Variants in PLCL2 observed in about 807,000 individuals in gnomAD.
PLCL2 encodes inactive phospholipase C-like protein 2.
PLCL2 carries 4 observed loss-of-function variants against 79.6 expected under a neutral mutation model. The observed-to-expected ratio is 0.05, with a 90% CI of 0.02 to 0.11. The LOEUF (loss-of-function observed/expected upper bound fraction) is 0.11. PLCL2 is among the 10% of genes least tolerant of loss of function. PLCL2 has a pLI of 1.00. For missense variants in PLCL2, 895 were observed against 1,291.0 expected, an observed-to-expected ratio of 0.69 and a Z score of 4.70; for synonymous variants, 484 against 457.7, an observed-to-expected ratio of 1.06 and a Z score of -0.73.
At chr3:16,928,749 C>T (rs1697316959) in intron 1 of PLCL2, among the ~76,000 whole-genome samples, 1 of 152,178 alleles carries the variant, frequency 6.6e-6, no homozygotes, top group Admixed American at 6.6e-5. Flanking sequence ...TGTTGTGAAG[C>T]CTAGCTAAAG....
In PLCL2 at chr3:16,957,198, G is replaced by T. The variant is rs899054721; in HGVS notation, c.328-52476G>T. 5.3e-5 allele frequency among the ~76,000 whole-genome samples: 8 copies of T among 151,988 alleles called. No individual in the cohort carries two copies. In the South Asian group the frequency reaches 1.7e-3, roughly 32 times the overall value. On this transcript the variant is annotated intron_variant, in intron 1 of 5. Transcript: ENST00000615277. ...TAAATTTCCCTCTACACACTGCTTT[G>T]AATGTGTCCCAGAGATTCTGGTATG...
intron 1 of PLCL2, among the ~76,000 whole-genome samples, chr3:16,992,757 G>A (rs939706235): frequency 2.0e-5 from 3 of 152,346 alleles, no homozygotes; most frequent in African/African-American, 7.2e-5. Flanking sequence ...GCAGGCTAAG[G>A]ATTGGATTAA....
In PLCL2 at chr3:17,009,906, A is replaced by G. The variant is rs768818518; in HGVS notation, c.560A>G (p.Asp187Gly). 10 of 1,613,258 alleles carry G rather than the reference A, an allele frequency of 6.2e-6. No homozygotes were observed. The highest frequency in any genetic ancestry group is 8.5e-6 in the Non-Finnish European group (10 of 1,179,202). ...SKKDSEKAKI[D>G]IKSIKEVRTG... is the part of the protein sequence containing the mutation. ...AAGGATTCTGAGAAAGCCAAGATTGACATTAAATCCATCAAGGAAGTGAGA... is the reference window on the plus strand; with the variant it reads ...AAGGATTCTGAGAAAGCCAAGATTGGCATTAAATCCATCAAGGAAGTGAGA... Residue 187 changes from aspartate (D) to glycine (G), a missense_variant, in exon 2 of 6, where the codon GAC becomes GGC. Coordinates refer to ENST00000615277, the MANE Select transcript of PLCL2 (RefSeq NM_001144382.2). This position sits in a 1 kb window ranked among gnomAD's most constrained non-coding sequence, Gnocchi z 4.0.
rs745358993 is a variant in PLCL2 at position 17,010,155 on chromosome 3, C to G, written c.809C>G (p.Ser270Cys). The change falls in exon 2 of 6, where the codon TCT becomes TGT. Residue 270 changes from serine (S) to cysteine (C), a missense_variant. By Grantham distance (112) the Ser-to-Cys change is moderately radical. Transcript: ENST00000615277. The surrounding 1 kb of genome is among the most constrained non-coding windows in gnomAD (Gnocchi z 5.8). Reference sequence around the variant, plus strand: ...AGTAGCCAAGATAACATGAGGACTTCTTGGGTTTCACAAATGTTTAGTGAA... The same window carrying G: ...AGTAGCCAAGATAACATGAGGACTTGTTGGGTTTCACAAATGTTTAGTGAA... ...LESSQDNMRT[S>C]WVSQMFSEID... 3.1e-6 allele frequency: 5 copies of G among 1,613,984 alleles called. No individual in the cohort carries two copies. In the East Asian group the frequency reaches 8.9e-5, roughly 29 times the overall value.
At chr3:17,056,165 CT>C (rs1175214517) in intron 4 of PLCL2, among the ~76,000 whole-genome samples, 1 of 152,140 alleles carries the variant, frequency 6.6e-6, no homozygotes. Context: ...AACTCTCAGG[CT>C]GTTTTTAACT....
At chr3:17,039,381 T>C (rs2064694488) in intron 3 of PLCL2, among the ~76,000 whole-genome samples, 1 of 152,220 alleles carries the variant, frequency 6.6e-6, no homozygotes, top group African/African-American at 2.4e-5. Flanking sequence ...CTGGTGTTGC[T>C]ATAGGAGCCC....
chr3:16,951,660 T>C (rs2063653563), intron 1 of PLCL2, among the ~76,000 whole-genome samples: 1 of 152,186 alleles, frequency 6.6e-6, no homozygotes, highest in African/African-American at 2.4e-5. Context: ...TAAATTTTCC[T>C]GAGTGCTACT....
chr3:17,001,836 T>TG (rs2064214416), intron 1 of PLCL2, among the ~76,000 whole-genome samples: 1 of 152,172 alleles, frequency 6.6e-6, no homozygotes, highest in African/African-American at 2.4e-5. Context: ...TTTGGCTATT[T>TG]GGGGTCTTTT....
At chr3:16,904,071 C>G (rs946378982) in intron 1 of PLCL2, among the ~76,000 whole-genome samples, 1 of 151,936 alleles carries the variant, frequency 6.6e-6, no homozygotes, top group South Asian at 2.1e-4. Flanking sequence ...AAACTTTAGT[C>G]CTGTGAAGGA....
rs866563287 is a variant in PLCL2, at chr3:16,973,371, T to C, written c.328-36303T>C. 4.0e-5 allele frequency among the ~76,000 whole-genome samples: 6 copies of C among 150,020 alleles called. No homozygotes were observed. The South Asian group carries it at 1.0e-3, about 26-fold the overall frequency. On this transcript the variant is annotated intron_variant, in intron 1 of 5. Coordinates refer to ENST00000615277, the MANE Select transcript of PLCL2 (RefSeq NM_001144382.2). ...TGCCTTTAACTTTTTTTTTTTTTTT[T>C]CATTTCTACCTTGGAGAATCTGATG...
chr3:17,041,779 C>T (rs2064724672), intron 3 of PLCL2, among the ~76,000 whole-genome samples: 1 of 151,996 alleles, frequency 6.6e-6, no homozygotes, highest in African/African-American at 2.4e-5. Context: ...CCCATCTCTA[C>T]AGAAAATTTT....
At chr3:16,905,200 G>C (rs1045044833) in intron 1 of PLCL2, among the ~76,000 whole-genome samples, 3 of 152,156 alleles carry the variant, frequency 2.0e-5, no homozygotes, top group Non-Finnish European at 4.4e-5. Flanking sequence ...AAGGCCCCAG[G>C]GTGTGTGGGC....
chr3:17,046,524 G>T (rs1575602955), intron 4 of PLCL2, among the ~76,000 whole-genome samples: 1 of 152,110 alleles, frequency 6.6e-6, no homozygotes, highest in Non-Finnish European at 1.5e-5. Flanking sequence ...ATTTTAAATG[G>T]AAAATAAATT....
intron 4 of PLCL2, among the ~76,000 whole-genome samples, chr3:17,060,480 A>G (rs1314875437): frequency 1.3e-5 from 2 of 152,208 alleles, no homozygotes; most frequent in Non-Finnish European, 2.9e-5. Flanking sequence ...CTATCTGAAA[A>G]GCAATTAGGC....
At chr3:16,964,254 A>G (rs1441690204) in intron 1 of PLCL2, among the ~76,000 whole-genome samples, 1 of 141,624 alleles carries the variant, frequency 7.1e-6, no homozygotes, top group Non-Finnish European at 1.5e-5. Context: ...GCCACCTGTG[A>G]GTGAGAACAT....
At chr3:17,088,753 C>T (rs1354090467) in intron 5 of PLCL2, among the ~76,000 whole-genome samples, 1 of 152,076 alleles carries the variant, frequency 6.6e-6, no homozygotes, top group African/African-American at 2.4e-5. Context: ...AGACAGCTCC[C>T]CACCTCCAAA....
chr3:16,953,919 T>C (rs73146993), intron 1 of PLCL2, among the ~76,000 whole-genome samples: 141 of 152,156 alleles, frequency 9.3e-4, no homozygotes, highest in African/African-American at 3.3e-3. Context: ...CAATTTTGAG[T>C]TGATTTGATG....
intron 1 of PLCL2, among the ~76,000 whole-genome samples, chr3:16,992,820 G>A (rs2124996946): frequency 6.6e-6 from 1 of 152,308 alleles, no homozygotes; most frequent in East Asian, 1.9e-4. Flanking sequence ...GCCAGCCTCA[G>A]GAAATAAACA....
intron 5 of PLCL2, among the ~76,000 whole-genome samples, chr3:17,081,034 G>A (rs1429044269): frequency 6.6e-6 from 1 of 152,196 alleles, no homozygotes; most frequent in Non-Finnish European, 1.5e-5. Flanking sequence ...GTGATTTGCT[G>A]TTCAGACTCT....
Sources: gnomAD v4.1 joint callset for allele counts (sites outside exome capture counted in the v4.1 genomes callset) on GRCh38, gnomAD v4.1.1 for gene constraint, Gnocchi (gnomAD v3.1) non-coding constraint, MANE v1.5 for transcripts, NCBI Gene and HGNC (gene_info 2026-07-23, HGNC 2026-07-21) for gene names.